The following MCTP1 variants were observed in gnomAD, a reference collection of about 807,000 sequenced individuals.
MCTP1 encodes multiple C2 and transmembrane domain-containing protein 1.
A neutral mutation model predicts 120.6 loss-of-function variants in MCTP1; 69 were observed. The observed-to-expected ratio is 0.57, with a 90% confidence interval of 0.47 to 0.70. The LOEUF (loss-of-function observed/expected upper bound fraction) is 0.70. Among genes scored for constraint, MCTP1 ranks in the 30% least tolerant of loss-of-function variants. The pLI is 0.00. For missense variants in MCTP1, 1,203 were observed against 1,248.8 expected, an observed-to-expected ratio of 0.96 and a Z score of 0.55; for synonymous variants, 529 against 493.1, an observed-to-expected ratio of 1.07 and a Z score of -0.96.
At chr5:94,754,695 T>C (rs1339888254) in intron 19 of MCTP1, among the ~76,000 whole-genome samples, 2 of 152,342 alleles carry the variant, frequency 1.3e-5, no homozygotes, top group African/African-American at 4.8e-5. Context: ...CCTTTTTTTA[T>C]TATCCAGGCA....
chr5:95,009,447 A>T (rs56129866), intron 2 of MCTP1, among the ~76,000 whole-genome samples: 4 of 152,084 alleles, frequency 2.6e-5, no homozygotes, highest in African/African-American at 9.7e-5. Flanking sequence ...AAATGATTTT[A>T]AAAATAGTAA....
rs919011661 is a variant in MCTP1 at position 95,161,810 on chromosome 5, C to A, written c.720+122046G>T. The stretch of plus-strand genomic sequence containing the variant: ...CCAACTAGAAAATGACAAAAGAAGT[C>A]GGGATTTGAACCCAGTCTGTCTGGT... On this transcript the variant is annotated intron_variant, in intron 1 of 22. Transcript: ENST00000515393. Among the ~76,000 whole-genome samples the A allele has an allele frequency of 2.0e-5, 3 of 152,174 alleles. No homozygotes were observed. In the South Asian group the frequency reaches 6.2e-4, roughly 32 times the overall value.
At chr5:94,896,417 TTTTC>T (rs1466468542) in intron 10 of MCTP1, among the ~76,000 whole-genome samples, 1 of 152,164 alleles carries the variant, frequency 6.6e-6, no homozygotes, top group African/African-American at 2.4e-5. Flanking sequence ...TCACTTTTTT[TTTTC>T]TTTTTTTTCC....
intron 19 of MCTP1, among the ~76,000 whole-genome samples, chr5:94,772,602 C>A (rs1774337008): frequency 6.6e-6 from 1 of 152,148 alleles, no homozygotes; most frequent in Non-Finnish European, 1.5e-5. Flanking sequence ...AAGTCATGGG[C>A]ATTTTTGATA....
chr5:95,012,977 T>C (rs1369369346), intron 2 of MCTP1, among the ~76,000 whole-genome samples: 1 of 152,172 alleles, frequency 6.6e-6, no homozygotes, highest in Non-Finnish European at 1.5e-5. Context: ...CTAGGCCTCT[T>C]GCTCCAAACA....
intron 2 of MCTP1, among the ~76,000 whole-genome samples, chr5:95,016,672 TC>T (rs1837174283): frequency 6.6e-6 from 1 of 152,004 alleles, no homozygotes; most frequent in South Asian, 2.1e-4. Context: ...CGTATCCACC[TC>T]CTGCAGCGCT....
intron 17 of MCTP1, among the ~76,000 whole-genome samples, chr5:94,824,612 T>A (rs1786529382): frequency 6.6e-6 from 1 of 152,126 alleles, no homozygotes; most frequent in South Asian, 2.1e-4. Flanking sequence ...GAAGGAATGG[T>A]TACCAGCTCC....
chr5:94,975,007 A>T (rs192483672), intron 2 of MCTP1, among the ~76,000 whole-genome samples: 1 of 152,288 alleles, frequency 6.6e-6, no homozygotes, highest in Admixed American at 6.5e-5. Context: ...TCCTTATTTC[A>T]ATTCATTCTC....
chr5:95,238,353 T>C (rs1186938510), intron 1 of MCTP1, among the ~76,000 whole-genome samples: 1 of 152,210 alleles, frequency 6.6e-6, no homozygotes, highest in Admixed American at 6.5e-5. Context: ...ATACCAAATG[T>C]AATAGAATTG....
chr5:94,792,578 C>CA (rs952445444), intron 18 of MCTP1: 26 of 152,462 alleles, frequency 1.7e-4, no homozygotes, highest in African/African-American at 6.3e-4. Context: ...AAAGTGATAA[C>CA]AAAAGAGTAT....
intron 19 of MCTP1, among the ~76,000 whole-genome samples, chr5:94,756,334 G>GT (rs1561581356): frequency 6.6e-6 from 1 of 152,192 alleles, no homozygotes. Flanking sequence ...GGCAGCAATT[G>GT]TAAGATGTGT....
At chr5:94,718,259 G>A (rs1439679339) in intron 19 of MCTP1, among the ~76,000 whole-genome samples, 1 of 152,096 alleles carries the variant, frequency 6.6e-6, no homozygotes, top group East Asian at 1.9e-4. Flanking sequence ...CAAGCAATGA[G>A]GAAAGGATTC....
intron 17 of MCTP1, among the ~76,000 whole-genome samples, chr5:94,854,142 A>T (rs955018679): frequency 6.6e-6 from 1 of 151,870 alleles, no homozygotes; most frequent in Non-Finnish European, 1.5e-5. Context: ...ACCATAGATT[A>T]TTTCTCCCTC....
At chr5:95,052,844 T>A (rs1457308343) in intron 1 of MCTP1, among the ~76,000 whole-genome samples, 1 of 152,234 alleles carries the variant, frequency 6.6e-6, no homozygotes, top group Non-Finnish European at 1.5e-5. Context: ...AAAATAAGAC[T>A]GGGGTAGCCG....
chr5:94,898,786 G>T (rs1028888014), intron 10 of MCTP1, among the ~76,000 whole-genome samples: 2 of 152,240 alleles, frequency 1.3e-5, no homozygotes, highest in Non-Finnish European at 2.9e-5. Context: ...TTGGGAGTCA[G>T]ATTCCCTTGG....
intron 1 of MCTP1, among the ~76,000 whole-genome samples, chr5:95,253,338 G>A (rs1323594692): frequency 1.3e-5 from 2 of 152,032 alleles, no homozygotes; most frequent in Non-Finnish European, 2.9e-5. Flanking sequence ...GCCAGGGGGT[G>A]GGACAACCAT....
chr5:94,883,164 G>A (rs1021198438), intron 12 of MCTP1, among the ~76,000 whole-genome samples: 1 of 152,096 alleles, frequency 6.6e-6, no homozygotes, highest in Non-Finnish European at 1.5e-5. Context: ...TCATTCTTAA[G>A]GAAAAGATTT....
chr5:94,807,410 G>T (rs1476185165), intron 17 of MCTP1, among the ~76,000 whole-genome samples: 1 of 152,206 alleles, frequency 6.6e-6, no homozygotes, highest in Admixed American at 6.5e-5. Flanking sequence ...TGGGTAAAGT[G>T]AGACCTAAAA....
intron 1 of MCTP1, among the ~76,000 whole-genome samples, chr5:95,124,023 T>C (rs745449613): frequency 1.3e-5 from 2 of 152,194 alleles, no homozygotes; most frequent in Non-Finnish European, 2.9e-5. Flanking sequence ...TTACTGGATG[T>C]CTAAATGCCT....
Sources: allele counts gnomAD v4.1 joint callset (sites outside exome capture counted in the v4.1 genomes callset), GRCh38; gene constraint gnomAD v4.1.1; transcripts MANE v1.5; gene names NCBI Gene and HGNC (gene_info 2026-07-23, HGNC 2026-07-21).